CADPS2: variants seen among roughly 807,000 people sequenced by gnomAD.
CADPS2 encodes calcium-dependent secretion activator 2.
Under a neutral mutation model 172.5 loss-of-function variants are expected in CADPS2, and 93 were observed. The observed-to-expected ratio is 0.54, with a 90% confidence interval of 0.46 to 0.64. CADPS2 has a LOEUF of 0.64. Among genes scored for constraint, CADPS2 ranks in the 30% least tolerant of loss-of-function variants. The pLI, the probability that CADPS2 is intolerant of heterozygous loss-of-function variation, is 0.00. For missense variants in CADPS2, 1,420 were observed against 1,565.9 expected (o/e 0.91, Z 1.57); for synonymous variants, 546 against 555.2 (o/e 0.98, Z 0.23).
intron 6 of CADPS2, among the ~76,000 whole-genome samples, chr7:122,585,325 T>A (rs1038066695): frequency 1.3e-5 from 2 of 151,868 alleles, no homozygotes; most frequent in African/African-American, 4.8e-5. Context: ...CATTCCACGA[T>A]ACAGGCATAA....
intron 25 of CADPS2, among the ~76,000 whole-genome samples, chr7:122,367,620 C>T (rs2041124422): frequency 2.2e-5 from 3 of 138,284 alleles, no homozygotes; most frequent in South Asian, 2.4e-4. Context: ...TCTCAGTTCA[C>T]TGCAATCTCT....
chr7:122,634,321 A>C lies in CADPS2; in HGVS notation c.787-4993T>G, dbSNP rs551527016. ...ATTTCAGGGCTCTTTTTGGTTAGTA[A>C]TTTTTAAATTACTGATTCAATTTCA... On this transcript the variant is annotated intron_variant, in intron 3 of 29. Transcript: ENST00000449022. Among the ~76,000 whole-genome samples, 13 of 152,130 alleles carry C rather than the reference A, an allele frequency of 8.5e-5. No individual in the cohort carries two copies. The South Asian group carries it at 2.7e-3, about 32-fold the overall frequency.
intron 1 of CADPS2, among the ~76,000 whole-genome samples, chr7:122,812,506 A>G (rs968955488): frequency 3.9e-5 from 6 of 152,002 alleles, no homozygotes; most frequent in Non-Finnish European, 5.9e-5. Context: ...AGGACCTGTC[A>G]TGAATTAGGT....
intron 1 of CADPS2, among the ~76,000 whole-genome samples, chr7:122,776,028 C>T (rs1395004329): frequency 1.3e-5 from 2 of 151,956 alleles, no homozygotes; most frequent in Non-Finnish European, 2.9e-5. Flanking sequence ...TACATAATAA[C>T]AACAAAAAGG....
intron 2 of CADPS2, among the ~76,000 whole-genome samples, chr7:122,666,719 G>A (rs923552567): frequency 1.3e-5 from 2 of 152,104 alleles, no homozygotes; most frequent in Non-Finnish European, 2.9e-5. Flanking sequence ...CTTCTTCCTG[G>A]TTCTCTTCTT....
intron 7 of CADPS2, among the ~76,000 whole-genome samples, chr7:122,577,180 A>G (rs1484103709): frequency 1.3e-5 from 2 of 152,254 alleles, no homozygotes; most frequent in African/African-American, 4.8e-5. Context: ...TTCCCTAGCC[A>G]TGCAGAACTG....
At chr7:122,579,794 G>A (rs1462512901) in intron 7 of CADPS2, among the ~76,000 whole-genome samples, 1 of 151,976 alleles carries the variant, frequency 6.6e-6, no homozygotes, top group Non-Finnish European at 1.5e-5. Context: ...ATGACTGAAT[G>A]AGCAGTAACA....
intron 6 of CADPS2, among the ~76,000 whole-genome samples, chr7:122,599,494 A>AGAAATACCACATACTGAGTT (rs1185685918): frequency 1.3e-5 from 2 of 152,084 alleles, no homozygotes; most frequent in African/African-American, 4.8e-5. Flanking sequence ...CCTTACAGCT[A>AGAAATACCACATACTGAGTT]GAAATACCAC....
chr7:122,584,319 G>T (rs1437147923), intron 6 of CADPS2, among the ~76,000 whole-genome samples: 1 of 151,820 alleles, frequency 6.6e-6, no homozygotes, highest in Non-Finnish European at 1.5e-5. Flanking sequence ...CTTTCTCCTT[G>T]AGTGAATTTT....
intron 2 of CADPS2, among the ~76,000 whole-genome samples, chr7:122,704,882 C>G (rs539261983): frequency 5.3e-5 from 8 of 152,086 alleles, no homozygotes; most frequent in Admixed American, 3.9e-4. Flanking sequence ...GAGTACACAC[C>G]AGCGTTGCCA....
At position 122,805,593 on chromosome 7, in the gene CADPS2, T is replaced by C. The variant is rs568854665; in HGVS notation, c.340-68525A>G. On this transcript the variant is annotated intron_variant, in intron 1 of 29. Coordinates refer to ENST00000449022, the MANE Select transcript of CADPS2 (RefSeq NM_017954.11). The stretch of plus-strand genomic sequence containing the variant: ...TATCAGCTTACAGCCTAAGTTGTGG[T>C]CCTTCCAAAATTGCCTTCTCTTTAA... Among the ~76,000 whole-genome samples the C allele has an allele frequency of 1.6e-4, 25 of 152,342 alleles. 1 individual carries two copies. The South Asian group carries it at 5.2e-3, about 32-fold the overall frequency.
intron 8 of CADPS2, among the ~76,000 whole-genome samples, chr7:122,546,884 T>C (rs1587106927): frequency 1.3e-5 from 2 of 152,164 alleles, no homozygotes; most frequent in Non-Finnish European, 1.5e-5. Flanking sequence ...TTGGGGAAAA[T>C]ATTTTCATGA....
At chr7:122,426,700 G>A (rs1475252253) in intron 17 of CADPS2, among the ~76,000 whole-genome samples, 2 of 152,118 alleles carry the variant, frequency 1.3e-5, no homozygotes, top group South Asian at 2.1e-4. Flanking sequence ...GATTAACAAG[G>A]TGCCATGAAA....
chr7:122,734,962 A>G (rs1440425547), intron 2 of CADPS2, among the ~76,000 whole-genome samples: 3 of 152,196 alleles, frequency 2.0e-5, no homozygotes, highest in Admixed American at 6.6e-5. Flanking sequence ...TTCAATGCTT[A>G]CATCTCTTTC....
chr7:122,336,755 A>G (rs929934532), intron 28 of CADPS2, among the ~76,000 whole-genome samples: 1 of 152,184 alleles, frequency 6.6e-6, no homozygotes, highest in Non-Finnish European at 1.5e-5. Context: ...AAGTTGTGTC[A>G]CCTTCCATTC....
intron 20 of CADPS2, among the ~76,000 whole-genome samples, chr7:122,396,917 T>C (rs984316236): frequency 7.9e-5 from 12 of 152,222 alleles, no homozygotes; most frequent in African/African-American, 2.9e-4. Flanking sequence ...TAATCAAATG[T>C]TTGTTGGATG....
chr7:122,607,108 T>C (rs1284292029), intron 6 of CADPS2, among the ~76,000 whole-genome samples: 1 of 152,118 alleles, frequency 6.6e-6, no homozygotes, highest in Non-Finnish European at 1.5e-5. Context: ...TAAACAAATG[T>C]TGTAGACAGA....
chr7:122,786,266 TCTC>T (rs1180556421), intron 1 of CADPS2, among the ~76,000 whole-genome samples: 1 of 152,154 alleles, frequency 6.6e-6, no homozygotes, highest in African/African-American at 2.4e-5. Flanking sequence ...GAATGGTTGT[TCTC>T]CTCATAATGA....
chr7:122,796,034 G>GA (rs60844157), intron 1 of CADPS2, among the ~76,000 whole-genome samples: 20,691 of 151,970 alleles, frequency 0.14, 1,474 homozygotes, highest in South Asian at 0.22. Context: ...AAATCAATGA[G>GA]AAAAAAATCA....
Sources: allele counts gnomAD v4.1 joint callset (sites outside exome capture counted in the v4.1 genomes callset), GRCh38; gene constraint gnomAD v4.1.1; transcripts MANE v1.5; gene names NCBI Gene and HGNC (gene_info 2026-07-23, HGNC 2026-07-21).